SARDH: variants seen among roughly 807,000 people sequenced by gnomAD.
SARDH encodes the protein sarcosine dehydrogenase, mitochondrial.
SARDH carries 95 observed loss-of-function variants against 109.1 expected under a neutral mutation model. The observed-to-expected ratio is 0.87, with a 90% CI of 0.74 to 1.03. SARDH has a LOEUF of 1.03. SARDH is among the 50% of genes least tolerant of loss of function. The probability of loss-of-function intolerance (pLI) is 0.00; values close to 1 mark genes in which losing one functional copy is unlikely to be tolerated. For synonymous variants in SARDH, 572 were observed against 534.8 expected (o/e 1.07, Z -0.96); for missense variants, 1,267 against 1,287.8 (o/e 0.98, Z 0.25).
At chr9:133,705,066 A>G in intron 11 of SARDH, 35 bp from the exon 12 acceptor site, 1 of 1,552,184 alleles carries the variant, frequency 6.4e-7, no homozygotes, top group Non-Finnish European at 8.7e-7. Flanking sequence ...TCTGTCACGC[A>G]TGGCCTGATA....
At chr9:133,659,545 CAG>C (rs1259993234), downstream of SARDH, among the ~76,000 whole-genome samples, 1 of 152,232 alleles carries the variant, frequency 6.6e-6, no homozygotes, top group Non-Finnish European at 1.5e-5. Flanking sequence ...GAGACAGTAA[CAG>C]ATGCACTTGT....
chr9:133,734,587 G>A (rs550030423), intron 1 of SARDH, among the ~76,000 whole-genome samples: 32 of 152,306 alleles, frequency 2.1e-4, no homozygotes, highest in African/African-American at 6.5e-4. Context: ...GACAGGGAGC[G>A]CCAAGCTCTG....
intron 1 of SARDH, among the ~76,000 whole-genome samples, chr9:133,734,419 A>ACTCATTCATTCG (rs1832808559): frequency 1.4e-5 from 1 of 70,226 alleles, no homozygotes; most frequent in Non-Finnish European, 4.9e-5. Context: ...TCATTCATTC[A>ACTCATTCATTCG]TTCATTCACT....
At chr9:133,729,446 G>A (rs1237799070) in intron 6 of SARDH, among the ~76,000 whole-genome samples, 2 of 152,120 alleles carry the variant, frequency 1.3e-5, no homozygotes, top group Admixed American at 6.5e-5. Flanking sequence ...GAAACTCCTG[G>A]GCACAGAACA....
Position 133,666,888 on chromosome 9 carries a change from G to A in SARDH, c.2496-18C>T. The A allele has an allele frequency of 6.2e-7, 1 of 1,611,970 alleles. No homozygotes were observed. Among genetic ancestry groups the A allele is most frequent in the Non-Finnish European group, 8.5e-7 (1 of 1,179,538 alleles). On this transcript the variant is annotated intron_variant, in intron 19 of 20. Coordinates refer to ENST00000439388, the MANE Select transcript of SARDH (RefSeq NM_001134707.2). This position sits in a 1 kb window ranked among gnomAD's most constrained non-coding sequence, Gnocchi z 5.2. ...GTACTTTGCTGGAAGAAGCAGTAGA[G>A]AAAGCTGGGGCCCCAGAAACCGCAG...
intron 17 of SARDH, among the ~76,000 whole-genome samples, chr9:133,676,647 T>C (rs1021748652): frequency 2.0e-5 from 3 of 152,154 alleles, no homozygotes; most frequent in African/African-American, 7.2e-5. Context: ...GGAATGGCCC[T>C]GGGCCGGACA....
In SARDH at chr9:133,733,846, C is replaced by A. The variant is rs1409289723; in HGVS notation, c.328G>T (p.Ala110Ser). The change falls in exon 2 of 21, where the codon GCA (alanine) becomes TCA (serine). Residue 110 changes from alanine to serine, a missense_variant. Physicochemically the swap from Ala to Ser is moderately conservative, Grantham distance 99. Transcript: ENST00000439388. Reference sequence around the variant, plus strand: ...CTACCTGGCCCCCGGTCCCTACCTGCCGTGTGCCAGGTGGTCCCGGAGGTC... The same window carrying A: ...CTACCTGGCCCCCGGTCCCTACCTGACGTGTGCCAGGTGGTCCCGGAGGTC... ...RLTSGTTWHTAGLLWQLRPSD... is the reference protein window; with the variant it reads ...RLTSGTTWHTSGLLWQLRPSD... 1 of 1,462,460 alleles carries A rather than the reference C, an allele frequency of 6.8e-7. No individual in the cohort carries two copies. 90.6% of individuals were successfully genotyped at this position (1,462,460 alleles called of 1,614,324 possible).
intron 10 of SARDH, among the ~76,000 whole-genome samples, 195 bp from the exon 11 acceptor site, chr9:133,708,623 A>C (rs961630485): frequency 4.6e-5 from 7 of 151,780 alleles, no homozygotes; most frequent in Non-Finnish European, 7.4e-5. Context: ...GAGCCACCCC[A>C]CCCCAGTGGC....
intron 17 of SARDH, among the ~76,000 whole-genome samples, chr9:133,681,712 G>A (rs1830700661): frequency 6.6e-6 from 1 of 152,214 alleles, no homozygotes; most frequent in Admixed American, 6.5e-5. Context: ...ACTAGTGCTT[G>A]ACTGAGAGTC....
chr9:133,724,157 G>T (rs1009742404), intron 6 of SARDH, among the ~76,000 whole-genome samples: 6 of 152,040 alleles, frequency 3.9e-5, no homozygotes, highest in African/African-American at 1.4e-4. Context: ...AAGCGAAAAG[G>T]CTATGTAAAG....
chr9:133,676,877 G>A (rs752283843), intron 17 of SARDH, among the ~76,000 whole-genome samples: 10 of 152,322 alleles, frequency 6.6e-5, no homozygotes, highest in Non-Finnish European at 1.0e-4. Flanking sequence ...AGTGGCTCAC[G>A]CCTGCAATCC....
chr9:133,719,274 G>A (rs1225911594), intron 6 of SARDH, among the ~76,000 whole-genome samples: 1 of 152,170 alleles, frequency 6.6e-6, no homozygotes, highest in East Asian at 1.9e-4. Context: ...ACAGCAAAAG[G>A]GGAAGAAGGA....
At chr9:133,667,505 A>G (rs778956143) in intron 19 of SARDH, among the ~76,000 whole-genome samples, 5 of 151,914 alleles carry the variant, frequency 3.3e-5, no homozygotes, top group South Asian at 2.1e-4. Context: ...ACTTTATTCA[A>G]AGGACTTTAC....
At chr9:133,676,802 T>C (rs1830527470) in intron 17 of SARDH, among the ~76,000 whole-genome samples, 1 of 152,152 alleles carries the variant, frequency 6.6e-6, no homozygotes, top group Non-Finnish European at 1.5e-5. Flanking sequence ...GAAAGCACAG[T>C]GGGTACCAAA....
At chr9:133,720,155 T>G (rs1435103049) in intron 6 of SARDH, among the ~76,000 whole-genome samples, 12 of 149,258 alleles carry the variant, frequency 8.0e-5, no homozygotes, top group East Asian at 4.0e-4. Flanking sequence ...GGCCAGGCAC[T>G]GTGGCTCACA....
chr9:133,696,383 G>T, intron 13 of SARDH, 22 bp from the exon 14 acceptor site: 1 of 1,613,764 alleles, frequency 6.2e-7, no homozygotes, highest in East Asian at 2.2e-5. Context: ...CAGACAGGTG[G>T]GAATGCCACG....
At chr9:133,667,164 C>T in intron 19 of SARDH, 1 of 541,660 alleles carries the variant, frequency 1.8e-6, no homozygotes. Context: ...GCCCCTGCTT[C>T]CGATTTCCTT....
rs561344868 is a variant in SARDH, at chr9:133,686,758, T to C, written c.2070-1472A>G. ...GAAGTACTGCTGACCCTAATCCCAA[T>C]CGTCACAGTGCTGGGAGCCGCCACC... is the stretch of plus-strand genomic sequence containing the variant. On this transcript the variant is annotated intron_variant, in intron 16 of 20. Transcript: ENST00000439388. This position sits in a 1 kb window ranked among gnomAD's most constrained non-coding sequence, Gnocchi z 4.0. Among the ~76,000 whole-genome samples, 1 of 152,218 alleles carries C rather than the reference T, an allele frequency of 6.6e-6. No individual in the cohort carries two copies. The highest frequency in any genetic ancestry group is 2.4e-5 in the African/African-American group (1 of 41,500).
intron 17 of SARDH, among the ~76,000 whole-genome samples, chr9:133,682,226 G>A (rs1014460071): frequency 1.3e-5 from 2 of 152,180 alleles, no homozygotes; most frequent in African/African-American, 2.4e-5. Context: ...CACTGGAGAC[G>A]CAGCTGAGGG....
Sources: allele counts gnomAD v4.1 joint callset (sites outside exome capture counted in the v4.1 genomes callset), GRCh38; gene constraint gnomAD v4.1.1; non-coding constraint Gnocchi (gnomAD v3.1); transcripts MANE v1.5; gene names NCBI Gene and HGNC (gene_info 2026-07-23, HGNC 2026-07-21).